The following SPIDR variants were observed in gnomAD, a reference collection of about 807,000 sequenced individuals.
SPIDR encodes the protein DNA repair-scaffolding protein.
Under a neutral mutation model 104.6 loss-of-function variants are expected in SPIDR, and 93 were observed. The observed-to-expected ratio is 0.89, with a 90% CI of 0.75 to 1.06. SPIDR has a LOEUF of 1.06. Among genes scored for constraint, SPIDR ranks in the 50% least tolerant of loss-of-function variants. The pLI is 0.00. For missense variants in SPIDR, 1,154 were observed against 1,111.2 expected, an observed-to-expected ratio of 1.04 and a Z score of -0.55; for synonymous variants, 431 against 416.9, an observed-to-expected ratio of 1.03 and a Z score of -0.41.
At position 47,680,917 on chromosome 8, in the gene SPIDR, C is replaced by T. The variant is rs920678042; in HGVS notation, c.1685+6976C>T. 1.5e-4 allele frequency among the ~76,000 whole-genome samples: 23 copies of T among 152,282 alleles called. No individual in the cohort carries two copies. In the East Asian group the frequency reaches 1.7e-3, roughly 12 times the overall value. On this transcript the variant is annotated intron_variant, in intron 11 of 19. Coordinates refer to ENST00000297423, the MANE Select transcript of SPIDR (RefSeq NM_001080394.4). ...GGTCAGGAGTTTCTAGCCAGGCAGG[C>T]GTGCCACATAGTGGCATGCACCTCT...
chr8:47,393,892 T>C (rs7846620), intron 5 of SPIDR, among the ~76,000 whole-genome samples: 109,012 of 149,862 alleles, frequency 0.73, 39,852 homozygotes, highest in East Asian at 0.81. Context: ...TTGTCCTGTC[T>C]TTCGTCCTCC....
At chr8:47,284,259 G>A (rs1225712197) in intron 3 of SPIDR, among the ~76,000 whole-genome samples, 165 bp downstream of exon 3, 2 of 151,996 alleles carry the variant, frequency 1.3e-5, no homozygotes, top group African/African-American at 4.8e-5. Context: ...TGAGAACTTT[G>A]TCTGTCATCG....
At chr8:47,510,407 T>G (rs2082139708) in intron 8 of SPIDR, among the ~76,000 whole-genome samples, 1 of 152,232 alleles carries the variant, frequency 6.6e-6, no homozygotes, top group Non-Finnish European at 1.5e-5. Flanking sequence ...AATCTAGATG[T>G]CCATGCCTGC....
intron 8 of SPIDR, among the ~76,000 whole-genome samples, chr8:47,441,168 G>A (rs974876199): frequency 2.0e-5 from 3 of 151,960 alleles, no homozygotes; most frequent in East Asian, 3.9e-4. Context: ...TATGAGGAAG[G>A]GCTATAGGAT....
intron 7 of SPIDR, among the ~76,000 whole-genome samples, chr8:47,413,000 A>G (rs2063748194): frequency 6.6e-6 from 1 of 152,214 alleles, no homozygotes; most frequent in Non-Finnish European, 1.5e-5. Context: ...TGAAGTAATG[A>G]TATGAGAGAA....
intron 8 of SPIDR, among the ~76,000 whole-genome samples, chr8:47,498,590 G>GT (rs1586722149): frequency 6.6e-6 from 1 of 151,952 alleles, no homozygotes; most frequent in East Asian, 1.9e-4. Flanking sequence ...CCAGGATGAA[G>GT]TTTTTTTGAC....
intron 5 of SPIDR, among the ~76,000 whole-genome samples, chr8:47,301,518 T>G (rs2154247860): frequency 6.6e-6 from 1 of 151,836 alleles, no homozygotes; most frequent in South Asian, 2.1e-4. Context: ...GCTCATTAGT[T>G]GATGCAGTTT....
At chr8:47,321,553 C>G (rs1448709924) in intron 5 of SPIDR, among the ~76,000 whole-genome samples, 2 of 152,158 alleles carry the variant, frequency 1.3e-5, no homozygotes, top group Non-Finnish European at 1.5e-5. Flanking sequence ...CGATCCCCAT[C>G]AAGCTACCAA....
At chr8:47,328,375 C>T (rs967330457) in intron 5 of SPIDR, among the ~76,000 whole-genome samples, 68 of 151,446 alleles carry the variant, frequency 4.5e-4, no homozygotes, top group African/African-American at 1.5e-3. Context: ...CCGCTCACCT[C>T]GACCTCTCAA....
chr8:47,290,961 T>C (rs1385757097), intron 3 of SPIDR, 72 bp from the exon 4 acceptor site: 2 of 1,145,984 alleles, frequency 1.7e-6, no homozygotes, highest in East Asian at 2.5e-5. Context: ...CAAAATTACA[T>C]GCATAAAATT....
chr8:47,672,384 T>C (rs368192953), intron 10 of SPIDR, among the ~76,000 whole-genome samples: 1 of 152,248 alleles, frequency 6.6e-6, no homozygotes, highest in South Asian at 2.1e-4. Context: ...ATTAGACGTG[T>C]TAGACCTTCT....
chr8:47,639,474 T>A (rs1246715323), intron 10 of SPIDR, among the ~76,000 whole-genome samples: 1 of 152,252 alleles, frequency 6.6e-6, no homozygotes, highest in East Asian at 1.9e-4. Context: ...GATTTGTTCA[T>A]GATTTTGTTT....
At position 47,609,546 on chromosome 8, in the gene SPIDR, C is replaced by T. The variant is rs143083525; in HGVS notation, c.1544+10350C>T. 2.2e-4 allele frequency among the ~76,000 whole-genome samples: 34 copies of T among 152,180 alleles called. 1 individual carries two copies. Among genetic ancestry groups the T allele is most frequent in the African/African-American group, 6.0e-4 (25 of 41,526 alleles). On this transcript the variant is annotated intron_variant, in intron 10 of 19. Coordinates refer to ENST00000297423, the MANE Select transcript of SPIDR (RefSeq NM_001080394.4). ...GCATTTGTTACAGTTTGCACTGTTA[C>T]GTCTTTGTGTGCATAGCATTTCTTC...
At chr8:47,291,515 A>G (rs2039900724) in intron 4 of SPIDR, among the ~76,000 whole-genome samples, 3 of 152,228 alleles carry the variant, frequency 2.0e-5, no homozygotes, top group Admixed American at 1.3e-4. Flanking sequence ...GTCCCAGAGA[A>G]TGAAAATTAA....
intron 8 of SPIDR, among the ~76,000 whole-genome samples, chr8:47,548,088 CAT>C (rs755281441): frequency 1.3e-5 from 2 of 152,022 alleles, no homozygotes; most frequent in Non-Finnish European, 2.9e-5. Flanking sequence ...CTGTTTGACT[CAT>C]AGATATTTTG....
At chr8:47,662,567 TC>T (rs933465439) in intron 10 of SPIDR, among the ~76,000 whole-genome samples, 12 of 152,114 alleles carry the variant, frequency 7.9e-5, no homozygotes, top group Non-Finnish European at 8.8e-5. Flanking sequence ...TCAAGCAAAC[TC>T]CCCACAAAAC....
chr8:47,506,335 C>G (rs2081473095), intron 8 of SPIDR, among the ~76,000 whole-genome samples: 1 of 152,204 alleles, frequency 6.6e-6, no homozygotes, highest in Non-Finnish European at 1.5e-5. Context: ...CATCATACAG[C>G]TCTCCCGTAT....
At chr8:47,436,960 A>G (rs1185716449) in intron 7 of SPIDR, among the ~76,000 whole-genome samples, 1 of 152,200 alleles carries the variant, frequency 6.6e-6, no homozygotes, top group Admixed American at 6.5e-5. Flanking sequence ...AGGCCTATTT[A>G]GTCACCACAT....
chr8:47,590,138 C>T lies in SPIDR; in HGVS notation c.1098-5673C>T, dbSNP rs2060819147. ...GCAGTGAACCGAGATCGTGCCACTG[C>T]ACTCCAGCCCAGGTGACAGAGCAAG... On this transcript the variant is annotated intron_variant, in intron 8 of 19. Coordinates refer to ENST00000297423, the MANE Select transcript of SPIDR (RefSeq NM_001080394.4). Among the ~76,000 whole-genome samples the T allele has an allele frequency of 6.6e-5, 10 of 150,640 alleles. No homozygotes were observed. The South Asian group carries it at 2.1e-3, about 32-fold the overall frequency.
Sources: gnomAD v4.1 joint callset for allele counts (sites outside exome capture counted in the v4.1 genomes callset) on GRCh38, gnomAD v4.1.1 for gene constraint, MANE v1.5 for transcripts, NCBI Gene and HGNC (gene_info 2026-07-23, HGNC 2026-07-21) for gene names.